GTF2H1: variants seen among roughly 807,000 people sequenced by gnomAD.
GTF2H1 encodes the protein general transcription factor IIH subunit 1.
In GTF2H1, 16 loss-of-function variants were observed where a neutral mutation model predicts 71.2. That is an observed-to-expected ratio of 0.22 (90% CI 0.15 to 0.34). The LOEUF (loss-of-function observed/expected upper bound fraction) is 0.34, where lower values mean the gene tolerates loss of function less well. Among genes scored for constraint, GTF2H1 ranks in the 10% least tolerant of loss-of-function variants. The probability of loss-of-function intolerance (pLI) is 1.00; values close to 1 mark genes in which losing one functional copy is unlikely to be tolerated. For synonymous variants in GTF2H1, 215 were observed against 219.0 expected, an observed-to-expected ratio of 0.98 and a Z score of 0.16; for missense variants, 498 against 648.2, an observed-to-expected ratio of 0.77 and a Z score of 2.52.
intron 7 of GTF2H1, among the ~76,000 whole-genome samples, chr11:18,343,428 C>A (rs1463054878): frequency 1.3e-5 from 2 of 152,088 alleles, no homozygotes; most frequent in African/African-American, 4.8e-5. Flanking sequence ...CTTTTTACTA[C>A]AAATATTGGT....
At chr11:18,325,688 A>AG (rs1468808115) in intron 1 of GTF2H1, among the ~76,000 whole-genome samples, 8 of 152,194 alleles carry the variant, frequency 5.3e-5, no homozygotes, top group African/African-American at 1.9e-4. Flanking sequence ...GAAAAAAAAA[A>AG]TGAGTGAAAG....
chr11:18,352,275 T>A (rs541939308), intron 10 of GTF2H1, 54 bp from the exon 11 acceptor site: 3 of 812,876 alleles, frequency 3.7e-6, no homozygotes, highest in South Asian at 3.0e-5. Flanking sequence ...CAAAGACAAA[T>A]GTTGAGCATC....
rs574222987 is a variant in GTF2H1 at position 18,329,934 on chromosome 11, G to T, written c.-15-3126G>T. 3.9e-5 allele frequency among the ~76,000 whole-genome samples: 6 copies of T among 152,288 alleles called. No homozygotes were observed. The South Asian group carries it at 1.2e-3, about 32-fold the overall frequency. On this transcript the variant is annotated intron_variant, in intron 1 of 14. Transcript: ENST00000265963. ...TCCTTTCATATGAAATCCTAGAACAGATAAAAACTAATCTGTGGTGATAGA... is the reference window on the plus strand; with the variant it reads ...TCCTTTCATATGAAATCCTAGAACATATAAAAACTAATCTGTGGTGATAGA...
chr11:18,350,073 CAG>C (rs1865391233), intron 9 of GTF2H1, among the ~76,000 whole-genome samples: 2 of 152,204 alleles, frequency 1.3e-5, no homozygotes, highest in South Asian at 4.1e-4. Context: ...CATTGTAAGT[CAG>C]GGGCTATCAG....
At chr11:18,323,761 A>AC (rs1864655137) in intron 1 of GTF2H1, among the ~76,000 whole-genome samples, 1 of 152,162 alleles carries the variant, frequency 6.6e-6, no homozygotes, top group Non-Finnish European at 1.5e-5. Flanking sequence ...AGGCCCCACC[A>AC]CCCCACTTAA....
chr11:18,357,820 T>A, intron 11 of GTF2H1, 132 bp from the exon 12 acceptor site: 1 of 699,970 alleles, frequency 1.4e-6, no homozygotes, highest in South Asian at 1.6e-5. Flanking sequence ...TTGACCACTG[T>A]AAATGATGTA....
intron 1 of GTF2H1, chr11:18,332,628 G>A (rs1254563128): frequency 6.6e-6 from 1 of 152,424 alleles, no homozygotes; most frequent in Admixed American, 6.5e-5. Context: ...TTCAGCTCTG[G>A]GAGTGGTTCT....
chr11:18,366,231 AAAAC>A lies in GTF2H1; in HGVS notation c.*364_*367del, dbSNP rs1411488837. 9.1e-5 allele frequency: 17 copies of A among 187,422 alleles called. No individual in the cohort carries two copies. The Admixed American group carries it at 1.0e-3, about 11-fold the overall frequency. 11.6% of individuals were successfully genotyped at this position (187,422 alleles called of 1,614,324 possible). A position where few individuals can be genotyped will look rare whatever the true frequency, so the allele number is the denominator to read the frequency against. On this transcript the variant is annotated 3_prime_UTR_variant, in exon 15 of 15. Coordinates refer to ENST00000265963, the MANE Select transcript of GTF2H1 (RefSeq NM_005316.4). ...CATTAAGCTGCTTTCAGAAATTAAAAAAACACTTTTTAAAGGGTGCATTGATAAA... is the reference window on the plus strand; with the variant it reads ...CATTAAGCTGCTTTCAGAAATTAAAAACTTTTTAAAGGGTGCATTGATAAA...
At chr11:18,332,207 A>G (rs775322562) in intron 1 of GTF2H1, among the ~76,000 whole-genome samples, 2 of 152,262 alleles carry the variant, frequency 1.3e-5, no homozygotes, top group Non-Finnish European at 2.9e-5. Context: ...TAATTGTTAA[A>G]TTATATTTTG....
intron 3 of GTF2H1, among the ~76,000 whole-genome samples, chr11:18,336,828 C>T (rs1183009220): frequency 6.6e-6 from 1 of 150,692 alleles, no homozygotes; most frequent in Non-Finnish European, 1.5e-5. Context: ...GATCTCAGCT[C>T]ACTGCAACCT....
intron 13 of GTF2H1, 131 bp downstream of exon 13, chr11:18,358,771 T>G: frequency 1.6e-6 from 1 of 616,022 alleles, no homozygotes; most frequent in Non-Finnish European, 2.9e-6. Flanking sequence ...CATCGTTTCA[T>G]GTAAACCTCA....
intron 1 of GTF2H1, among the ~76,000 whole-genome samples, chr11:18,323,317 GAC>G (rs1864599929): frequency 6.6e-6 from 1 of 151,846 alleles, no homozygotes; most frequent in Non-Finnish European, 1.5e-5. Flanking sequence ...TTTTTTAAGA[GAC>G]AGAGTCTTGT....
chr11:18,353,872 A>AT (rs1865481838), intron 11 of GTF2H1, among the ~76,000 whole-genome samples: 1 of 152,240 alleles, frequency 6.6e-6, no homozygotes, highest in African/African-American at 2.4e-5. Context: ...ATTCTCTTAA[A>AT]TAACAGTACA....
At position 18,358,518 on chromosome 11, in the gene GTF2H1, T is replaced by C; in HGVS notation, c.1352-7T>C. Reference sequence around the variant, plus strand: ...CTTAACCTATGGGCCTTGTTCTTCTTTTGCAGAGATGGTGCCAAATGATAT... The same window carrying C: ...CTTAACCTATGGGCCTTGTTCTTCTCTTGCAGAGATGGTGCCAAATGATAT... On this transcript the variant is annotated splice_region_variant and splice_polypyrimidine_tract_variant and intron_variant, in intron 12 of 14. Transcript: ENST00000265963. The C allele has an allele frequency of 6.5e-7, 1 of 1,537,962 alleles. No homozygotes were observed. The highest frequency in any genetic ancestry group is 9.0e-7 in the Non-Finnish European group (1 of 1,110,964).
rs916418120 is a variant in GTF2H1, at chr11:18,366,017, T to C, written c.*148T>C. On this transcript the variant is annotated 3_prime_UTR_variant, in exon 15 of 15. Transcript: ENST00000265963. ...CGCCAACTCCCAGAGCTGATGCTAT[T>C]GTACTTGCACATTGGAGACTGAAAG... The C allele has an allele frequency of 1.9e-5, 12 of 622,856 alleles. No homozygotes were observed. In the Admixed American group the frequency reaches 2.1e-4, roughly 11 times the overall value. The allele number at this position is 622,856 out of a possible 1,614,324, so 38.6% of individuals were successfully genotyped here.
rs577929331 is a variant in GTF2H1 at position 18,356,742 on chromosome 11, G to A, written c.1261-1210G>A. Among the ~76,000 whole-genome samples, 29 of 150,068 alleles carry A rather than the reference G, an allele frequency of 1.9e-4. No homozygotes were observed. The South Asian group carries it at 6.1e-3, about 31-fold the overall frequency. On this transcript the variant is annotated intron_variant, in intron 11 of 14. Transcript: ENST00000265963. ...TAGGATTATAATTGTAAGCCACCAT[G>A]CCCAGCTCTCCCCATGTAATTTTTT... is the stretch of plus-strand genomic sequence containing the variant.
At chr11:18,339,347 TC>T (rs2133965089) in intron 4 of GTF2H1, among the ~76,000 whole-genome samples, 1 of 152,336 alleles carries the variant, frequency 6.6e-6, no homozygotes, top group Admixed American at 6.5e-5. Flanking sequence ...ATATTAGACT[TC>T]CAAAGGAGCA....
chr11:18,359,394 T>A (rs1398799085), intron 13 of GTF2H1, among the ~76,000 whole-genome samples: 2 of 152,090 alleles, frequency 1.3e-5, no homozygotes, highest in Non-Finnish European at 2.9e-5. Flanking sequence ...CATAAATAAA[T>A]TTTTTAAAAG....
At chr11:18,328,058 C>T (rs1389905089) in intron 1 of GTF2H1, among the ~76,000 whole-genome samples, 1 of 152,018 alleles carries the variant, frequency 6.6e-6, no homozygotes, top group Non-Finnish European at 1.5e-5. Context: ...AAAAATTAGC[C>T]AGCCATGGTG....
Sources: gnomAD v4.1 joint callset for allele counts (sites outside exome capture counted in the v4.1 genomes callset) on GRCh38, gnomAD v4.1.1 for gene constraint, MANE v1.5 for transcripts, NCBI Gene and HGNC (gene_info 2026-07-23, HGNC 2026-07-21) for gene names.